EPHB1: variants seen among roughly 807,000 people sequenced by gnomAD.
EPHB1 encodes the protein ephrin type-B receptor 1.
In EPHB1, 30 loss-of-function variants were observed where a neutral mutation model predicts 94.4. The observed-to-expected ratio is 0.32, with a 90% CI of 0.24 to 0.43. EPHB1 has a LOEUF of 0.43. EPHB1 is among the 20% of genes least tolerant of loss of function. The probability of loss-of-function intolerance (pLI) is 1.00; values close to 1 mark genes in which losing one functional copy is unlikely to be tolerated. For synonymous variants in EPHB1, 522 were observed against 489.1 expected (o/e 1.07, Z -0.89); for missense variants, 1,055 against 1,308.3 (o/e 0.81, Z 2.99).
At chr3:135,185,745 G>C (rs1942309583) in intron 10 of EPHB1, among the ~76,000 whole-genome samples, 1 of 152,188 alleles carries the variant, frequency 6.6e-6, no homozygotes, top group Non-Finnish European at 1.5e-5. Context: ...GTGGCCAGCT[G>C]CCACTCTTGT....
At chr3:135,183,768 A>C (rs906622867) in intron 10 of EPHB1, among the ~76,000 whole-genome samples, 1 of 152,198 alleles carries the variant, frequency 6.6e-6, no homozygotes, top group Admixed American at 6.5e-5. Flanking sequence ...AAGGGGAAAG[A>C]AAGTTGCTGG....
intron 3 of EPHB1, among the ~76,000 whole-genome samples, chr3:135,004,808 A>G (rs1033382517): frequency 5.3e-5 from 8 of 151,750 alleles, no homozygotes; most frequent in African/African-American, 1.2e-4. Flanking sequence ...TTTCAGCTCC[A>G]TCAGCTCCTT....
At chr3:135,136,697 C>T (rs1940631740) in intron 5 of EPHB1, among the ~76,000 whole-genome samples, 1 of 152,164 alleles carries the variant, frequency 6.6e-6, no homozygotes. Flanking sequence ...TGAAAAATCA[C>T]ATTATAGTGG....
Position 135,249,351 on chromosome 3 carries a change from G to A in EPHB1, c.2706G>A (p.Leu902=), listed in dbSNP as rs2107731847. 1 of 1,612,812 alleles carries A rather than the reference G, an allele frequency of 6.2e-7. No homozygotes were observed. Among genetic ancestry groups the A allele is most frequent in the African/African-American group, 1.3e-5 (1 of 75,058 alleles). The change falls in exon 15 of 16, where the codon CTG becomes CTA. Residue 902 remains leucine (L), a synonymous_variant. Coordinates refer to ENST00000398015, the MANE Select transcript of EPHB1 (RefSeq NM_004441.5). Reference sequence around the variant, plus strand: ...GTCTCACCAGGCCTTCCCAGCCCCTGCTCGACCGCTCCATCCCAGACTTCA... The same window carrying A: ...GTCTCACCAGGCCTTCCCAGCCCCTACTCGACCGCTCCATCCCAGACTTCA... The part of the protein sequence containing the change: ...ATITAVPSQP[L]LDRSIPDFTA...
intron 15 of EPHB1, among the ~76,000 whole-genome samples, chr3:135,256,028 C>A (rs1322598834): frequency 6.6e-6 from 1 of 151,490 alleles, no homozygotes; most frequent in Non-Finnish European, 1.5e-5. Flanking sequence ...TTATCAGAGA[C>A]TAGGATTGCA....
chr3:134,833,047 C>T (rs780611940), intron 1 of EPHB1, among the ~76,000 whole-genome samples: 15 of 152,160 alleles, frequency 9.9e-5, no homozygotes, highest in Admixed American at 6.5e-5. Context: ...TGAATATTTG[C>T]AGGTGGAAGT....
chr3:135,226,564 C>T (rs1943408200), intron 12 of EPHB1, among the ~76,000 whole-genome samples: 1 of 152,130 alleles, frequency 6.6e-6, no homozygotes, highest in East Asian at 1.9e-4. Context: ...TTCTGCTCTT[C>T]CAACCCTGAA....
At chr3:134,820,935 T>A (rs2036367975) in intron 1 of EPHB1, among the ~76,000 whole-genome samples, 1 of 152,210 alleles carries the variant, frequency 6.6e-6, no homozygotes, top group Non-Finnish European at 1.5e-5. Context: ...CACATAATTT[T>A]GAAGGCAGGC....
chr3:134,894,973 C>G (rs1330516460), intron 1 of EPHB1, among the ~76,000 whole-genome samples: 2 of 152,212 alleles, frequency 1.3e-5, no homozygotes, highest in African/African-American at 4.8e-5. Context: ...CAACAAATCT[C>G]CAGCATCTGA....
At chr3:134,798,447 C>T (rs2035872623) in intron 1 of EPHB1, among the ~76,000 whole-genome samples, 1 of 152,106 alleles carries the variant, frequency 6.6e-6, no homozygotes, top group Non-Finnish European at 1.5e-5. Flanking sequence ...GTGTAGGAAA[C>T]CCAGACTGAA....
At chr3:134,911,230 C>G (rs772541155) in intron 1 of EPHB1, among the ~76,000 whole-genome samples, 1 of 152,180 alleles carries the variant, frequency 6.6e-6, no homozygotes, top group Non-Finnish European at 1.5e-5. Context: ...TGTGGCAGCC[C>G]ATGGGTGAGA....
intron 12 of EPHB1, among the ~76,000 whole-genome samples, chr3:135,234,288 CACAGCA>C (rs1213544575): frequency 6.6e-6 from 1 of 152,206 alleles, no homozygotes; most frequent in Admixed American, 6.5e-5. Flanking sequence ...CTTGCTAAAG[CACAGCA>C]AAAGTCACCT....
intron 3 of EPHB1, among the ~76,000 whole-genome samples, chr3:135,068,554 T>A (rs1253658931): frequency 6.6e-6 from 1 of 152,186 alleles, no homozygotes; most frequent in East Asian, 1.9e-4. Context: ...TACTATTGTC[T>A]TGTCAGATAT....
chr3:135,210,100 G>C (rs1942998755), intron 12 of EPHB1, among the ~76,000 whole-genome samples: 1 of 152,092 alleles, frequency 6.6e-6, no homozygotes, highest in Non-Finnish European at 1.5e-5. Flanking sequence ...ATAGATTGTG[G>C]GTTTGGTTCA....
chr3:134,894,734 T>A (rs546123102), intron 1 of EPHB1, among the ~76,000 whole-genome samples: 4 of 152,370 alleles, frequency 2.6e-5, no homozygotes, highest in East Asian at 3.9e-4. Context: ...GGGTGTTTCA[T>A]GAATACACCT....
At chr3:135,081,753 A>C (rs1299947950) in intron 3 of EPHB1, among the ~76,000 whole-genome samples, 1 of 152,094 alleles carries the variant, frequency 6.6e-6, no homozygotes, top group Non-Finnish European at 1.5e-5. Context: ...AATGGGGCTG[A>C]TTTGCCAGCG....
chr3:135,195,988 C>T (rs2107711231), intron 11 of EPHB1, among the ~76,000 whole-genome samples: 1 of 117,812 alleles, frequency 8.5e-6, no homozygotes, highest in East Asian at 2.7e-4. Context: ...ACATCCTCTC[C>T]AGCACCTGTT....
chr3:134,831,573 A>C (rs1411165329), intron 1 of EPHB1, among the ~76,000 whole-genome samples: 1 of 152,152 alleles, frequency 6.6e-6, no homozygotes, highest in East Asian at 1.9e-4. Flanking sequence ...TCTCCATAGA[A>C]GTTCCCACAA....
intron 10 of EPHB1, among the ~76,000 whole-genome samples, chr3:135,188,311 A>G (rs1246283979): frequency 6.6e-6 from 1 of 152,060 alleles, no homozygotes; most frequent in Non-Finnish European, 1.5e-5. Flanking sequence ...CCTGGCCAAC[A>G]TAATGAACCA....
Sources: allele counts gnomAD v4.1 joint callset (sites outside exome capture counted in the v4.1 genomes callset), GRCh38; gene constraint gnomAD v4.1.1; transcripts MANE v1.5; gene names NCBI Gene and HGNC (gene_info 2026-07-23, HGNC 2026-07-21).